The following G2E3 variants were observed in gnomAD, a reference collection of about 807,000 sequenced individuals.
The protein encoded by G2E3 is G2/M-phase specific E3 ubiquitin protein ligase, also known as G2/M phase-specific E3 ubiquitin-protein ligase.
Under a neutral mutation model 92.8 loss-of-function variants are expected in G2E3, and 35 were observed. The ratio of observed to expected loss-of-function variants is 0.38; its 90% CI spans 0.29 to 0.50. The LOEUF (loss-of-function observed/expected upper bound fraction) is 0.50, where lower values mean the gene tolerates loss of function less well. Ranked by LOEUF, G2E3 falls within the 20% of genes least tolerant of loss-of-function variation. G2E3 has a pLI of 0.94. For missense variants in G2E3, 554 were observed against 823.8 expected, an observed-to-expected ratio of 0.67 and a Z score of 4.01; for synonymous variants, 242 against 272.4, an observed-to-expected ratio of 0.89 and a Z score of 1.10.
intron 7 of G2E3, 43 bp downstream of exon 7, chr14:30,597,569 A>G (rs982054371): frequency 3.0e-6 from 3 of 1,014,846 alleles, no homozygotes; most frequent in South Asian, 1.3e-5. Context: ...GATATTTTAA[A>G]TGTAGGATTT....
intron 13 of G2E3, among the ~76,000 whole-genome samples, chr14:30,614,694 G>T (rs898356493): frequency 2.6e-5 from 4 of 152,202 alleles, no homozygotes; most frequent in African/African-American, 7.2e-5. Flanking sequence ...ATCTGAGGAG[G>T]TGAATAGGAA....
intron 1 of G2E3, among the ~76,000 whole-genome samples, chr14:30,566,218 G>A (rs1879428524): frequency 6.6e-6 from 1 of 151,746 alleles, no homozygotes; most frequent in Admixed American, 6.6e-5. Flanking sequence ...TTTCTTTTTG[G>A]GGATCCTTTT....
chr14:30,591,204 G>A (rs570417613), intron 4 of G2E3, among the ~76,000 whole-genome samples: 5 of 152,054 alleles, frequency 3.3e-5, no homozygotes, highest in Non-Finnish European at 5.9e-5. Flanking sequence ...GGAGAGTTTC[G>A]GGTTGGCAGG....
intron 6 of G2E3, among the ~76,000 whole-genome samples, chr14:30,596,368 A>G (rs368220764): frequency 1.1e-4 from 16 of 152,248 alleles, no homozygotes; most frequent in African/African-American, 2.9e-4. Context: ...CTTAGTCCCT[A>G]TCAATTTATT....
At chr14:30,567,414 T>C (rs1396907694) in intron 1 of G2E3, among the ~76,000 whole-genome samples, 1 of 152,180 alleles carries the variant, frequency 6.6e-6, no homozygotes, top group Non-Finnish European at 1.5e-5. Context: ...TTGTTTAATT[T>C]GTTAACTTTT....
At chr14:30,568,477 TTTCC>T (rs1405243338) in intron 1 of G2E3, among the ~76,000 whole-genome samples, 1 of 152,114 alleles carries the variant, frequency 6.6e-6, no homozygotes, top group Non-Finnish European at 1.5e-5. Context: ...CTGTTCCTCA[TTTCC>T]TTCCTTATTG....
At chr14:30,587,673 T>C (rs1167900236) in intron 3 of G2E3, among the ~76,000 whole-genome samples, 2 of 152,126 alleles carry the variant, frequency 1.3e-5, no homozygotes, top group Admixed American at 6.6e-5. Context: ...GCTTTTGGCC[T>C]CAATTTCTCC....
At chr14:30,614,441 G>A (rs375441772) in intron 13 of G2E3, among the ~76,000 whole-genome samples, 21 of 152,334 alleles carry the variant, frequency 1.4e-4, no homozygotes, top group Admixed American at 5.2e-4. Flanking sequence ...CAACCCATAG[G>A]TGTGCCCTCG....
rs79355486 is a variant in G2E3 at position 30,563,354 on chromosome 14, A to C, written c.-5+4082A>C. On this transcript the variant is annotated intron_variant, in intron 1 of 14. Coordinates refer to ENST00000206595, the MANE Select transcript of G2E3 (RefSeq NM_017769.5). ...GACATCATTCTCATGACCAGTAGGT[A>C]GGGTTGGTCTAAGGGACATAAAGCC... 5.9e-5 allele frequency among the ~76,000 whole-genome samples: 9 copies of C among 152,274 alleles called. No homozygotes were observed. In the East Asian group the frequency reaches 1.7e-3, roughly 29 times the overall value.
intron 2 of G2E3, among the ~76,000 whole-genome samples, chr14:30,584,229 A>G (rs1419522417): frequency 1.3e-5 from 2 of 152,244 alleles, no homozygotes; most frequent in African/African-American, 2.4e-5. Flanking sequence ...ATTGCTGAAT[A>G]ATATTCCATC....
chr14:30,564,563 G>A (rs964667959), intron 1 of G2E3, among the ~76,000 whole-genome samples: 1 of 152,028 alleles, frequency 6.6e-6, no homozygotes, highest in East Asian at 1.9e-4. Context: ...CAAACACCTA[G>A]CCTCAAGCGA....
intron 11 of G2E3, among the ~76,000 whole-genome samples, chr14:30,606,672 C>G (rs1881847749): frequency 6.6e-6 from 1 of 152,096 alleles, no homozygotes; most frequent in Non-Finnish European, 1.5e-5. Flanking sequence ...ATTACTTACT[C>G]TCTCTGGATC....
At chr14:30,586,138 A>T (rs1163320507) in intron 2 of G2E3, among the ~76,000 whole-genome samples, 1 of 152,228 alleles carries the variant, frequency 6.6e-6, no homozygotes, top group Non-Finnish European at 1.5e-5. Context: ...AGGTGAAAGA[A>T]AGGCAAGCAT....
chr14:30,615,294 TATA>T, intron 13 of G2E3, 52 bp from the exon 14 acceptor site: 2 of 906,574 alleles, frequency 2.2e-6, no homozygotes, highest in East Asian at 5.0e-5. Context: ...TATTCCCTAA[TATA>T]ATACCAAACA....
chr14:30,586,266 C>T (rs909030898), intron 2 of G2E3, among the ~76,000 whole-genome samples: 1 of 152,140 alleles, frequency 6.6e-6, no homozygotes, highest in Admixed American at 6.5e-5. Context: ...CGGGCCACCC[C>T]AAGACCACTG....
chr14:30,610,349 G>T (rs951063938), intron 12 of G2E3, among the ~76,000 whole-genome samples: 1 of 152,142 alleles, frequency 6.6e-6, no homozygotes, highest in African/African-American at 2.4e-5. Flanking sequence ...GGCGCAGTGG[G>T]TCACGCCTGT....
chr14:30,599,601 A>G (rs1594499472), intron 8 of G2E3, among the ~76,000 whole-genome samples: 1 of 152,174 alleles, frequency 6.6e-6, no homozygotes, highest in South Asian at 2.1e-4. Context: ...ATTTACTTCA[A>G]CATATGAAGT....
chr14:30,592,538 C>G, intron 5 of G2E3, 91 bp downstream of exon 5: 1 of 984,776 alleles, frequency 1.0e-6, no homozygotes, highest in Non-Finnish European at 1.5e-6. Flanking sequence ...AATAAATTTT[C>G]TGTTTAGAGC....
chr14:30,565,477 T>G (rs1258577747), intron 1 of G2E3, among the ~76,000 whole-genome samples: 1 of 152,092 alleles, frequency 6.6e-6, no homozygotes, highest in African/African-American at 2.4e-5. Flanking sequence ...TTTTTCTTGT[T>G]GCTTGTGCTT....
Sources: gnomAD v4.1 joint callset for allele counts (sites outside exome capture counted in the v4.1 genomes callset) on GRCh38, gnomAD v4.1.1 for gene constraint, MANE v1.5 for transcripts, NCBI Gene and HGNC (gene_info 2026-07-23, HGNC 2026-07-21) for gene names.